RALGAPB: variants seen among roughly 807,000 people sequenced by gnomAD.
RALGAPB encodes the protein Ral GTPase activating protein non-catalytic subunit beta.
In RALGAPB, 25 loss-of-function variants were observed where a neutral mutation model predicts 161.1. The observed-to-expected ratio is 0.16, with a 90% CI of 0.11 to 0.22. The LOEUF is 0.22. RALGAPB is among the 10% of genes least tolerant of loss of function. The pLI is 1.00. For missense variants in RALGAPB, 1,391 were observed against 1,815.2 expected (o/e 0.77, Z 4.25); for synonymous variants, 629 against 626.1 (o/e 1.00, Z -0.07).
chr20:38,517,731 T>C (rs1281676199), intron 8 of RALGAPB, 53 bp from the exon 9 acceptor site: 1 of 1,604,742 alleles, frequency 6.2e-7, no homozygotes, highest in African/African-American at 1.3e-5. Flanking sequence ...AAAGTCTTGC[T>C]ATTTTCTCAG....
At chr20:38,473,398 C>T (rs989826167) in intron 1 of RALGAPB, among the ~76,000 whole-genome samples, 3 of 152,188 alleles carry the variant, frequency 2.0e-5, no homozygotes, top group African/African-American at 7.2e-5. Flanking sequence ...TTTGGTCCAG[C>T]AGAAAGGTTA....
chr20:38,483,748 G>GCT (rs1333698781), intron 1 of RALGAPB, among the ~76,000 whole-genome samples: 1 of 152,170 alleles, frequency 6.6e-6, no homozygotes, highest in Non-Finnish European at 1.5e-5. Context: ...CTGCCATGGT[G>GCT]CTATCCTGAG....
At chr20:38,574,375 A>G in intron 29 of RALGAPB, 77 bp downstream of exon 29, 1 of 1,451,526 alleles carries the variant, frequency 6.9e-7, no homozygotes, top group Non-Finnish European at 9.3e-7. Flanking sequence ...AGAAGTAAAA[A>G]TAAGGAAATG....
chr20:38,568,194 C>G (rs1403972583), intron 26 of RALGAPB, among the ~76,000 whole-genome samples: 1 of 151,674 alleles, frequency 6.6e-6, no homozygotes, highest in Admixed American at 6.6e-5. Context: ...GATAAAGCAC[C>G]ATGTTTTTGT....
At position 38,535,073 on chromosome 20, in the gene RALGAPB, G is replaced by T. The variant is rs1489530083; in HGVS notation, c.2246-1G>T. On this transcript the variant is annotated splice_acceptor_variant, in intron 15 of 29. Coordinates refer to ENST00000262879, the MANE Select transcript of RALGAPB (RefSeq NM_020336.4). LOFTEE classifies it high-confidence loss of function. ...GATGTGGCATTGGGGTTATATCCTAGCTCTTAATACAGATTCAGCTGCTGG... is the reference window on the plus strand; with the variant it reads ...GATGTGGCATTGGGGTTATATCCTATCTCTTAATACAGATTCAGCTGCTGG... The T allele has an allele frequency of 6.2e-7, 1 of 1,613,852 alleles. No homozygotes were observed. Among genetic ancestry groups the T allele is most frequent in the Admixed American group, 1.7e-5 (1 of 60,020 alleles).
chr20:38,565,607 A>G, intron 25 of RALGAPB, 129 bp downstream of exon 25: 1 of 1,183,062 alleles, frequency 8.5e-7, no homozygotes, highest in East Asian at 2.4e-5. Context: ...CATTATAACA[A>G]TATGCAGAAG....
At chr20:38,521,817 G>A in intron 10 of RALGAPB, 119 bp downstream of exon 10, 2 of 1,019,228 alleles carry the variant, frequency 2.0e-6, no homozygotes, top group Non-Finnish European at 2.9e-6. Context: ...GTCTGTAAGT[G>A]ATCGACATTT....
At chr20:38,511,540 G>C (rs939511593) in intron 6 of RALGAPB, among the ~76,000 whole-genome samples, 3 of 151,988 alleles carry the variant, frequency 2.0e-5, no homozygotes, top group African/African-American at 4.8e-5. Flanking sequence ...GACTCTTAAC[G>C]GGTATGCTGC....
At chr20:38,552,941 A>T (rs2087428996) in intron 21 of RALGAPB, among the ~76,000 whole-genome samples, 1 of 152,124 alleles carries the variant, frequency 6.6e-6, no homozygotes, top group Non-Finnish European at 1.5e-5. Flanking sequence ...TAATGTGCTT[A>T]AGGAGAGGGT....
At position 38,553,983 on chromosome 20, in the gene RALGAPB, T is replaced by TA; in HGVS notation, c.3280dup (p.Thr1094AsnfsTer36). 6.2e-7 allele frequency: 1 copy of TA among 1,613,730 alleles called. No homozygotes were observed. The highest frequency in any genetic ancestry group is 8.5e-7 in the Non-Finnish European group (1 of 1,179,762). On this transcript the variant is annotated frameshift_variant, in exon 22 of 30. Coordinates refer to ENST00000262879, the MANE Select transcript of RALGAPB (RefSeq NM_020336.4). LOFTEE classifies it high-confidence loss of function. ...AGAAGAGAAGTTTTCCTGACCCAGTTACGGATTGCAAGCCCCCGCCTCCTG... is the reference window on the plus strand; with the variant it reads ...AGAAGAGAAGTTTTCCTGACCCAGTTAACGGATTGCAAGCCCCCGCCTCCTG...
intron 3 of RALGAPB, among the ~76,000 whole-genome samples, chr20:38,493,939 T>C (rs1445064347): frequency 6.6e-6 from 1 of 152,224 alleles, no homozygotes; most frequent in Non-Finnish European, 1.5e-5. Flanking sequence ...AAGTCAGACA[T>C]TCCTCTAAGA....
intron 2 of RALGAPB, among the ~76,000 whole-genome samples, chr20:38,491,207 A>G (rs1211838065): frequency 1.3e-5 from 2 of 152,194 alleles, no homozygotes; most frequent in East Asian, 1.9e-4. Flanking sequence ...ACATATATTT[A>G]TCTTGTTAGA....
chr20:38,486,050 G>A (rs1397289222), intron 1 of RALGAPB, among the ~76,000 whole-genome samples: 1 of 138,382 alleles, frequency 7.2e-6, no homozygotes, highest in Non-Finnish European at 1.5e-5. Context: ...GCTCACTGCA[G>A]CCTCCACCTC....
intron 13 of RALGAPB, among the ~76,000 whole-genome samples, chr20:38,526,478 CT>C (rs1381795720): frequency 6.6e-6 from 1 of 152,094 alleles, no homozygotes; most frequent in Non-Finnish European, 1.5e-5. Flanking sequence ...CACTTTCGTC[CT>C]AGTCCTTTTT....
intron 18 of RALGAPB, 121 bp downstream of exon 18, chr20:38,541,313 C>CT (rs1241368433): frequency 1.0e-6 from 1 of 995,914 alleles, no homozygotes; most frequent in Non-Finnish European, 1.4e-6. Flanking sequence ...TTAGAATATA[C>CT]TTTTTCTCCA....
At chr20:38,515,610 T>C (rs1011755602) in intron 6 of RALGAPB, among the ~76,000 whole-genome samples, 2 of 152,362 alleles carry the variant, frequency 1.3e-5, no homozygotes, top group Middle Eastern at 3.4e-3. Context: ...ACACTAATCC[T>C]GATTTTCAAA....
intron 13 of RALGAPB, among the ~76,000 whole-genome samples, chr20:38,528,008 G>A (rs2086523286): frequency 6.6e-6 from 1 of 152,150 alleles, no homozygotes; most frequent in Admixed American, 6.5e-5. Flanking sequence ...AATAAATGAA[G>A]CTTACTTCAG....
In RALGAPB at chr20:38,524,821, G is replaced by T; in HGVS notation, c.1663G>T (p.Val555Leu). The change falls in exon 11 of 30, where the codon GTG becomes TTG. Residue 555 changes from valine (V) to leucine (L), a missense_variant. By Grantham distance (32) the Val-to-Leu change is conservative. This residue lies in a region of RALGAPB where 946 missense variants were observed against 1,257.2 expected (regional missense o/e 0.75). Transcript: ENST00000262879. ...TCAAGGTTTGCAGATAAATGATTAT[G>T]TGTGCCATCCTGTCTTGGCCAGCGT... ...LIQGLQINDY[V>L]CHPVLASVIL... 6.2e-7 allele frequency: 1 copy of T among 1,609,854 alleles called. No individual in the cohort carries two copies. The highest frequency in any genetic ancestry group is 8.5e-7 in the Non-Finnish European group (1 of 1,176,164).
intron 28 of RALGAPB, chr20:38,573,512 CT>C (rs2088318853): frequency 6.6e-6 from 1 of 152,170 alleles, no homozygotes; most frequent in African/African-American, 2.4e-5. Context: ...CAGTTGCCAA[CT>C]TTAGCATCTG....
Sources: gnomAD v4.1 joint callset for allele counts (sites outside exome capture counted in the v4.1 genomes callset) on GRCh38, gnomAD v4.1.1 for gene constraint, gnomAD v4.1.1 regional missense constraint, MANE v1.5 for transcripts, NCBI Gene and HGNC (gene_info 2026-07-23, HGNC 2026-07-21) for gene names.